Variants in FOXN3 observed in about 807,000 individuals in gnomAD.
FOXN3 encodes forkhead box N3, also known as forkhead box protein N3.
Under a neutral mutation model 38.4 loss-of-function variants are expected in FOXN3, and 7 were observed. The ratio of observed to expected loss-of-function variants is 0.18; its 90% CI spans 0.10 to 0.34. FOXN3 has a LOEUF of 0.34. FOXN3 is among the 10% of genes least tolerant of loss of function. The probability of loss-of-function intolerance (pLI) is 1.00; values close to 1 mark genes in which losing one functional copy is unlikely to be tolerated. For missense variants in FOXN3, 456 were observed against 613.4 expected (o/e 0.74, Z 2.71); for synonymous variants, 230 against 242.2 (o/e 0.95, Z 0.47).
intron 4 of FOXN3, chr14:89,190,504 G>T: frequency 1.4e-6 from 2 of 1,433,040 alleles, no homozygotes; most frequent in Non-Finnish European, 9.8e-7. Flanking sequence ...GTGTGTGTGT[G>T]TGTTTTTCCC....
At chr14:89,505,564 C>T (rs1893901917) in intron 1 of FOXN3, among the ~76,000 whole-genome samples, 7 of 150,036 alleles carry the variant, frequency 4.7e-5, no homozygotes, top group African/African-American at 1.2e-4. Flanking sequence ...GACGGAGTTG[C>T]GTTCACTCAG....
At chr14:89,527,952 T>C (rs191977975) in intron 1 of FOXN3, among the ~76,000 whole-genome samples, 62 of 152,280 alleles carry the variant, frequency 4.1e-4, no homozygotes, top group African/African-American at 1.4e-3. Context: ...TCCACCTGTC[T>C]AGGCCTCCCA....
At chr14:89,514,488 G>A (rs1033488790) in intron 1 of FOXN3, among the ~76,000 whole-genome samples, 2 of 152,140 alleles carry the variant, frequency 1.3e-5, no homozygotes, top group Admixed American at 6.5e-5. Context: ...AGGAAAGTTC[G>A]TTATCGTGGA....
At chr14:89,576,949 T>C (rs1433643076) in intron 1 of FOXN3, 1 of 152,210 alleles carries the variant, frequency 6.6e-6, no homozygotes, top group Non-Finnish European at 1.5e-5. Flanking sequence ...TCAAAAATCT[T>C]CCCTAAGTAT....
intron 1 of FOXN3, among the ~76,000 whole-genome samples, chr14:89,448,509 C>T (rs1371666395): frequency 2.6e-5 from 4 of 152,162 alleles, no homozygotes; most frequent in African/African-American, 7.2e-5. Flanking sequence ...CAGCTTGATC[C>T]TCCTCCCCTT....
At chr14:89,369,503 T>G (rs1052037983) in intron 2 of FOXN3, among the ~76,000 whole-genome samples, 41 of 152,104 alleles carry the variant, frequency 2.7e-4, no homozygotes, top group Admixed American at 2.6e-3. Context: ...AGGTTATTAG[T>G]CCATTCTCAT....
intron 1 of FOXN3, among the ~76,000 whole-genome samples, chr14:89,467,924 A>G (rs774654135): frequency 1.1e-4 from 16 of 141,910 alleles, no homozygotes; most frequent in Non-Finnish European, 1.9e-4. Flanking sequence ...TGCTGAGATT[A>G]CAGGCATGAG....
At chr14:89,389,720 A>C (rs1025386182) in intron 2 of FOXN3, among the ~76,000 whole-genome samples, 1 of 152,154 alleles carries the variant, frequency 6.6e-6, no homozygotes, top group Non-Finnish European at 1.5e-5. Context: ...TAGGTGGCCA[A>C]ATTCACCATA....
At chr14:89,226,936 C>G (rs113731444) in intron 4 of FOXN3, among the ~76,000 whole-genome samples, 1 of 152,206 alleles carries the variant, frequency 6.6e-6, no homozygotes, top group Non-Finnish European at 1.5e-5. Context: ...CAGCCCTGCC[C>G]ACATCTTGAC....
intron 4 of FOXN3, among the ~76,000 whole-genome samples, chr14:89,265,422 G>A (rs1045745767): frequency 6.6e-6 from 1 of 152,150 alleles, no homozygotes; most frequent in Admixed American, 6.5e-5. Context: ...CATTTCCCCA[G>A]TGTTCACTGG....
intron 4 of FOXN3, among the ~76,000 whole-genome samples, chr14:89,217,596 G>A (rs1884326173): frequency 6.6e-6 from 1 of 152,218 alleles, no homozygotes; most frequent in South Asian, 2.1e-4. Flanking sequence ...TCACTTCTCT[G>A]AGCTTCAGTT....
intron 1 of FOXN3, among the ~76,000 whole-genome samples, chr14:89,474,158 A>G (rs1566668553): frequency 1.3e-5 from 2 of 152,186 alleles, no homozygotes; most frequent in Admixed American, 6.5e-5. Flanking sequence ...TACTTTTTTC[A>G]CTTATAAATC....
At chr14:89,495,357 C>A (rs1214952765) in intron 1 of FOXN3, among the ~76,000 whole-genome samples, 1 of 152,106 alleles carries the variant, frequency 6.6e-6, no homozygotes, top group Non-Finnish European at 1.5e-5. Context: ...GATGAGCAAA[C>A]TTTTCCTGTT....
chr14:89,280,596 G>T (rs1384634625), intron 4 of FOXN3, among the ~76,000 whole-genome samples: 2 of 152,080 alleles, frequency 1.3e-5, no homozygotes, highest in Non-Finnish European at 2.9e-5. Context: ...ACATGTAAAG[G>T]GGTTTGCTTT....
rs537696565 is a variant in FOXN3 at position 89,598,444 on chromosome 14, A to G, written c.-15+20584T>C. 2.6e-5 allele frequency among the ~76,000 whole-genome samples: 4 copies of G among 152,050 alleles called. No homozygotes were observed. The South Asian group carries it at 6.2e-4, about 24-fold the overall frequency. The stretch of plus-strand genomic sequence containing the variant: ...CTGTTCATGATTTTTAAAATTATTT[A>G]TTCATTTATTTTTATTTTTTAATGG... On this transcript the variant is annotated intron_variant, in intron 1 of 6. Coordinates refer to the FOXN3 transcript ENST00000345097.
intron 1 of FOXN3, among the ~76,000 whole-genome samples, chr14:89,482,744 A>G (rs1299238694): frequency 4.0e-5 from 6 of 149,594 alleles, no homozygotes; most frequent in Non-Finnish European, 7.4e-5. Context: ...CCCTGTCTCT[A>G]CTAAAAAATA....
intron 1 of FOXN3, among the ~76,000 whole-genome samples, chr14:89,467,553 T>TAA (rs562271527): frequency 0.015 from 2,083 of 142,448 alleles, 43 homozygotes; most frequent in African/African-American, 0.05. Flanking sequence ...ACATGCCCTT[T>TAA]AAAAAAAAAA....
intron 3 of FOXN3, chr14:89,290,637 A>T: frequency 2.1e-6 from 1 of 484,580 alleles, no homozygotes; most frequent in South Asian, 1.7e-5. Flanking sequence ...ACTTCCTTCC[A>T]ACTTGAACAC....
chr14:89,364,153 AAG>A (rs1890055322), intron 2 of FOXN3, among the ~76,000 whole-genome samples: 1 of 150,916 alleles, frequency 6.6e-6, no homozygotes, highest in Admixed American at 6.6e-5. Context: ...AAGAGGGAAG[AAG>A]AGAGGCAAAA....
Sources: allele counts gnomAD v4.1 joint callset (sites outside exome capture counted in the v4.1 genomes callset), GRCh38; gene constraint gnomAD v4.1.1; transcripts MANE v1.5; gene names NCBI Gene and HGNC (gene_info 2026-07-23, HGNC 2026-07-21).